Variants in FMNL2 observed in about 807,000 individuals in gnomAD.
FMNL2 encodes the protein formin like 2.
Under a neutral mutation model 130.2 loss-of-function variants are expected in FMNL2, and 51 were observed. The observed-to-expected ratio is 0.39, with a 90% CI of 0.31 to 0.49. The LOEUF (loss-of-function observed/expected upper bound fraction) is 0.49. FMNL2 is among the 20% of genes least tolerant of loss of function. The probability of loss-of-function intolerance (pLI) is 0.85; values close to 1 mark genes in which losing one functional copy is unlikely to be tolerated. For synonymous variants in FMNL2, 465 were observed against 467.1 expected, an observed-to-expected ratio of 1.00 and a Z score of 0.06; for missense variants, 977 against 1,316.2, an observed-to-expected ratio of 0.74 and a Z score of 3.99.
intron 1 of FMNL2, among the ~76,000 whole-genome samples, chr2:152,452,736 G>A (rs1293187058): frequency 1.4e-5 from 2 of 140,958 alleles, no homozygotes; most frequent in Non-Finnish European, 3.2e-5. Context: ...ATGGGCCAAG[G>A]GATTCCTTTG....
rs777286474 is a variant in FMNL2, at chr2:152,647,824, C to T, written c.3198C>T (p.Ala1066=). The change falls in exon 26 of 26, where the codon GCC becomes GCT. Residue 1066 remains alanine, a synonymous_variant. Transcript: ENST00000288670. ...TTAGAAACCAACCATACAGACGAGC[C>T]GATGCGGTGAGGAGAAGCGTCAGGC... ...TDLRNQPYRR[A]DAVRRSVRRR... The T allele has an allele frequency of 1.1e-4, 177 of 1,613,756 alleles. No homozygotes were observed. The highest frequency in any genetic ancestry group is 1.4e-4 in the Non-Finnish European group (165 of 1,179,858).
intron 1 of FMNL2, among the ~76,000 whole-genome samples, chr2:152,506,099 A>G (rs1237673069): frequency 1.3e-5 from 2 of 152,216 alleles, no homozygotes; most frequent in Non-Finnish European, 2.9e-5. Context: ...GCTGCGTACT[A>G]TGTGATAGCC....
At chr2:152,557,823 A>G (rs777703291) in intron 4 of FMNL2, among the ~76,000 whole-genome samples, 2 of 152,238 alleles carry the variant, frequency 1.3e-5, no homozygotes, top group Non-Finnish European at 2.9e-5. Context: ...CAGGTGGCAG[A>G]TGTACCTCAA....
At chr2:152,380,325 T>A (rs1301659576) in intron 1 of FMNL2, among the ~76,000 whole-genome samples, 1 of 152,236 alleles carries the variant, frequency 6.6e-6, no homozygotes, top group Non-Finnish European at 1.5e-5. Flanking sequence ...TTTTTGCTTG[T>A]GGTGACGTAG....
intron 1 of FMNL2, among the ~76,000 whole-genome samples, chr2:152,405,163 G>A (rs915576809): frequency 6.6e-6 from 1 of 152,160 alleles, no homozygotes; most frequent in African/African-American, 2.4e-5. Flanking sequence ...CTGCTTGTAT[G>A]GACGCTGGGG....
intron 9 of FMNL2, 60 bp downstream of exon 9, chr2:152,581,109 A>G: frequency 1.4e-6 from 2 of 1,462,752 alleles, no homozygotes. Context: ...GACATCTTTG[A>G]ACGGAATTAT....
intron 1 of FMNL2, among the ~76,000 whole-genome samples, chr2:152,420,652 G>C (rs1217152580): frequency 6.6e-6 from 1 of 152,184 alleles, no homozygotes; most frequent in Non-Finnish European, 1.5e-5. Flanking sequence ...TTGCCAGATA[G>C]ATGCAGCACT....
At chr2:152,639,885 G>T in intron 23 of FMNL2, 73 bp from the exon 24 acceptor site, 1 of 1,336,166 alleles carries the variant, frequency 7.5e-7, no homozygotes, top group Non-Finnish European at 1.0e-6. Flanking sequence ...GATGCTTGAA[G>T]AATGACTTTA....
intron 1 of FMNL2, among the ~76,000 whole-genome samples, chr2:152,477,845 A>G (rs1208775073): frequency 2.0e-5 from 3 of 152,120 alleles, no homozygotes; most frequent in Non-Finnish European, 2.9e-5. Flanking sequence ...TACGTGGTGT[A>G]TATATATACA....
chr2:152,638,406 A>T (rs1682801037), intron 23 of FMNL2, among the ~76,000 whole-genome samples: 1 of 152,216 alleles, frequency 6.6e-6, no homozygotes, highest in Admixed American at 6.5e-5. Context: ...TGGTGGAGGT[A>T]GGAGGAATGT....
intron 4 of FMNL2, among the ~76,000 whole-genome samples, chr2:152,558,255 C>G (rs1243352074): frequency 2.0e-5 from 3 of 152,070 alleles, no homozygotes; most frequent in Non-Finnish European, 4.4e-5. Flanking sequence ...AAACAGTGGT[C>G]TCTCATTGGC....
intron 4 of FMNL2, among the ~76,000 whole-genome samples, chr2:152,558,344 T>C (rs1433808816): frequency 6.6e-6 from 1 of 152,218 alleles, no homozygotes; most frequent in Admixed American, 6.5e-5. Context: ...TTTGTGGTTA[T>C]GTTGTCATGT....
At position 152,567,877 on chromosome 2, in the gene FMNL2, C is replaced by T. The variant is rs113518505; in HGVS notation, c.596+6842C>T. ...TCCTTACAAAAATGCTTTTTGTCAG[C>T]GAGAAAATATAGCTTTTCTTTTACT... On this transcript the variant is annotated intron_variant, in intron 6 of 25. Coordinates refer to ENST00000288670, the MANE Select transcript of FMNL2 (RefSeq NM_052905.4). Among the ~76,000 whole-genome samples, 9 of 152,032 alleles carry T rather than the reference C, an allele frequency of 5.9e-5. 1 individual carries two copies. Among genetic ancestry groups the T allele is most frequent in the East Asian group, 3.9e-4 (2 of 5,186 alleles).
chr2:152,335,665 T>C lies in FMNL2; in HGVS notation c.62T>C (p.Leu21Ser). 1.3e-6 allele frequency: 2 copies of C among 1,594,026 alleles called. No individual in the cohort carries two copies. Among genetic ancestry groups the C allele is most frequent in the East Asian group, 2.4e-5 (1 of 42,410 alleles). ...GATTTCAGGGCGCACAACGTGCCTT[T>C]GAAGCTGCCGATGCCAGAGCCAGGT... is the stretch of plus-strand genomic sequence containing the variant. ...QTDFRAHNVP[L>S]KLPMPEPGEL... Residue 21 changes from leucine to serine, a missense_variant, in exon 1 of 26, where the codon TTG becomes TCG. Physicochemically the swap from Leu to Ser is moderately radical, Grantham distance 145. Around this residue, in one of 4 missense-constraint regions of FMNL2, gnomAD observed 117 missense variants for 134.9 expected, o/e 0.87. Transcript: ENST00000288670.
At chr2:152,642,085 C>T (rs1392407734) in intron 25 of FMNL2, among the ~76,000 whole-genome samples, 3 of 152,008 alleles carry the variant, frequency 2.0e-5, no homozygotes, top group Admixed American at 6.5e-5. Flanking sequence ...GGACTACAGG[C>T]GCCCACCACC....
chr2:152,555,065 G>A (rs563946449), intron 4 of FMNL2, among the ~76,000 whole-genome samples: 7 of 152,168 alleles, frequency 4.6e-5, no homozygotes, highest in African/African-American at 4.8e-5. Context: ...CTGAGTGCAC[G>A]GAGTGACAAA....
intron 1 of FMNL2, among the ~76,000 whole-genome samples, chr2:152,336,108 AAAACAAAACAAAAC>A (rs1681422108): frequency 1.3e-5 from 2 of 150,882 alleles, no homozygotes; most frequent in African/African-American, 4.9e-5. Flanking sequence ...AAAACAAAAC[AAAACAAAACAAAAC>A]ACCCTGAGCC....
intron 1 of FMNL2, among the ~76,000 whole-genome samples, chr2:152,399,342 A>AG (rs1558829199): frequency 6.6e-6 from 1 of 152,208 alleles, no homozygotes; most frequent in African/African-American, 2.4e-5. Flanking sequence ...GATGGTTGAA[A>AG]GGGGGAAGCC....
At chr2:152,420,140 A>G (rs1328380502) in intron 1 of FMNL2, among the ~76,000 whole-genome samples, 1 of 152,192 alleles carries the variant, frequency 6.6e-6, no homozygotes, top group Non-Finnish European at 1.5e-5. Context: ...ATCTTGAACT[A>G]CCCCATTAAC....
Sources: allele counts gnomAD v4.1 joint callset (sites outside exome capture counted in the v4.1 genomes callset), GRCh38; gene constraint gnomAD v4.1.1; regional missense constraint gnomAD v4.1.1; transcripts MANE v1.5; gene names NCBI Gene and HGNC (gene_info 2026-07-23, HGNC 2026-07-21).